The following LAMB4 variants were observed in gnomAD, a reference collection of about 807,000 sequenced individuals.
LAMB4 encodes the protein laminin subunit beta 4.
Under a neutral mutation model 199.2 loss-of-function variants are expected in LAMB4, and 196 were observed. The observed-to-expected ratio is 0.98, with a 90% CI of 0.88 to 1.11. The LOEUF is 1.11. LAMB4 is among the 50% of genes least tolerant of loss of function. The pLI, the probability that LAMB4 is intolerant of heterozygous loss-of-function variation, is 0.00. For synonymous variants in LAMB4, 744 were observed against 770.6 expected, an observed-to-expected ratio of 0.97 and a Z score of 0.57; for missense variants, 2,080 against 2,171.2, an observed-to-expected ratio of 0.96 and a Z score of 0.83.
At chr7:108,025,008 T>C (rs1427642455) in intron 33 of LAMB4, among the ~76,000 whole-genome samples, 1 of 152,250 alleles carries the variant, frequency 6.6e-6, no homozygotes. Context: ...AGATCACACC[T>C]GAATACCGAG....
At chr7:108,114,445 A>G (rs2038341831) in intron 3 of LAMB4, among the ~76,000 whole-genome samples, 1 of 152,016 alleles carries the variant, frequency 6.6e-6, no homozygotes, top group Non-Finnish European at 1.5e-5. Context: ...TCTAAAAAAT[A>G]GAGTTGAGAA....
chr7:108,072,442 T>C (rs957032908), intron 17 of LAMB4, among the ~76,000 whole-genome samples: 1 of 152,244 alleles, frequency 6.6e-6, no homozygotes. Flanking sequence ...AAGTCATGTA[T>C]GCAGATAGGC....
intron 3 of LAMB4, among the ~76,000 whole-genome samples, chr7:108,112,470 T>G (rs2038264151): frequency 6.7e-6 from 1 of 148,620 alleles, no homozygotes; most frequent in African/African-American, 2.5e-5. Flanking sequence ...TTTTTGTATT[T>G]TTATTAGAGA....
intron 3 of LAMB4, among the ~76,000 whole-genome samples, chr7:108,115,724 AT>A (rs1264683084): frequency 3.9e-5 from 6 of 152,230 alleles, no homozygotes; most frequent in Non-Finnish European, 7.3e-5. Context: ...ATTACAAGTA[AT>A]CTAGAGATTA....
At position 108,091,458 on chromosome 7, in the gene LAMB4, A is replaced by T. The variant is rs573810822; in HGVS notation, c.1701+168T>A. On this transcript the variant is annotated intron_variant, in intron 14 of 33. Coordinates refer to ENST00000388781, the MANE Select transcript of LAMB4 (RefSeq NM_007356.3). ...TGAACTAAACAGAGACTCTGCTCTC[A>T]AGAGTTTATATAATCTGCATTTGCA... Among the ~76,000 whole-genome samples the T allele has an allele frequency of 4.1e-4, 63 of 152,334 alleles. 1 individual carries two copies. In the South Asian group the frequency reaches 0.012, roughly 30 times the overall value.
intron 24 of LAMB4, 78 bp from the exon 25 acceptor site, chr7:108,056,085 C>T: frequency 7.3e-7 from 1 of 1,363,898 alleles, no homozygotes; most frequent in Admixed American, 2.3e-5. Flanking sequence ...AGGTCTTTTC[C>T]TCTCTCCTGA....
At chr7:108,019,721 T>C (rs961126550), downstream of LAMB4, among the ~76,000 whole-genome samples, 31 of 152,228 alleles carry the variant, frequency 2.0e-4, no homozygotes, top group African/African-American at 7.0e-4. Flanking sequence ...AGAAGTCCTA[T>C]TACCAAAAGG....
At chr7:108,129,252 G>T (rs1563120136) in intron 1 of LAMB4, among the ~76,000 whole-genome samples, 1 of 152,196 alleles carries the variant, frequency 6.6e-6, no homozygotes, top group South Asian at 2.1e-4. Context: ...CCTCTCCGCA[G>T]GAAAGACATG....
rs1291093642 is a variant in LAMB4, at chr7:108,043,483, AT to A, written c.4471+268del. Among the ~76,000 whole-genome samples the A allele has an allele frequency of 1.7e-4, 25 of 148,978 alleles. No homozygotes were observed. The Admixed American group carries it at 1.7e-3, about 10-fold the overall frequency. On this transcript the variant is annotated intron_variant, in intron 29 of 33. Coordinates refer to ENST00000388781, the MANE Select transcript of LAMB4 (RefSeq NM_007356.3). ...ATTAAGGAATTAAAAACCAAAGGGT[AT>A]ATCATTTTTCTGATTTAGGCTTGTC...
chr7:108,098,862 A>T (rs1393813327), intron 10 of LAMB4, among the ~76,000 whole-genome samples: 1 of 152,184 alleles, frequency 6.6e-6, no homozygotes, highest in Non-Finnish European at 1.5e-5. Flanking sequence ...TTAAGACTAG[A>T]TTATGTTAAG....
chr7:108,124,390 T>C (rs1036838595), intron 1 of LAMB4, among the ~76,000 whole-genome samples: 2 of 152,170 alleles, frequency 1.3e-5, no homozygotes, highest in Admixed American at 6.6e-5. Context: ...TATGATATAG[T>C]AAATGGAGCA....
At chr7:108,044,955 CAA>C (rs756256335) in intron 28 of LAMB4, among the ~76,000 whole-genome samples, 2 of 56,574 alleles carry the variant, frequency 3.5e-5, no homozygotes, top group Admixed American at 2.0e-4. Flanking sequence ...ATTCTTGTCT[CAA>C]AAAAAAAAAA....
intron 11 of LAMB4, among the ~76,000 whole-genome samples, chr7:108,097,552 G>A (rs1332930432): frequency 6.6e-6 from 1 of 152,212 alleles, no homozygotes; most frequent in Non-Finnish European, 1.5e-5. Flanking sequence ...TTGGGAGGCC[G>A]AGACGGGCGG....
chr7:108,030,255 T>A (rs943537056), intron 32 of LAMB4, among the ~76,000 whole-genome samples: 26 of 152,226 alleles, frequency 1.7e-4, no homozygotes, highest in African/African-American at 6.0e-4. Flanking sequence ...CTAACATTTT[T>A]CTTTTGTTTA....
In LAMB4 at chr7:108,103,122, C is replaced by G. The variant is rs1324468169; in HGVS notation, c.1102G>C (p.Gly368Arg). Residue 368 changes from glycine (G) to arginine (R), a missense_variant, in exon 10 of 34, where the codon GGG (glycine) becomes CGG (arginine). Transcript: ENST00000388781. ...GGTCTGCAGCGGTCGCAGTGCTGCC[C>G]CTCAGTGTTGTGCTGGCAGTCTTCA... The part of the protein sequence containing the change: ...VCEDCQHNTE[G>R]QHCDRCRPLF... 2.5e-6 allele frequency: 4 copies of G among 1,613,646 alleles called. No individual in the cohort carries two copies. Among genetic ancestry groups the G allele is most frequent in the Middle Eastern group, 1.6e-4 (1 of 6,082 alleles).
At position 108,052,097 on chromosome 7, in the gene LAMB4, C is replaced by G; in HGVS notation, c.3916G>C (p.Asp1306His). The G allele has an allele frequency of 6.2e-7, 1 of 1,600,492 alleles. No homozygotes were observed. The highest frequency in any genetic ancestry group is 1.3e-5 in the African/African-American group (1 of 74,594). The change falls in exon 26 of 34, where the codon GAC (aspartate) becomes CAC (histidine). Residue 1306 changes from aspartate to histidine, a missense_variant and splice_region_variant. Physicochemically the swap from Asp to His is moderately conservative, Grantham distance 81. Transcript: ENST00000388781. ...QSSVLNASIA[D>H]SSENIKKYYH... ...AGTCAAAAATACATTTTTCCCTTAC[C>G]CGCAATGCTTGCATTAAGGACACTG...
chr7:108,058,726 G>C (rs1025701481), intron 23 of LAMB4, among the ~76,000 whole-genome samples: 1 of 152,156 alleles, frequency 6.6e-6, no homozygotes, highest in Non-Finnish European at 1.5e-5. Flanking sequence ...TGCAACCTCA[G>C]CTCACTGCAA....
downstream of LAMB4, among the ~76,000 whole-genome samples, chr7:108,021,650 G>A (rs889036512): frequency 4.0e-5 from 6 of 151,878 alleles, no homozygotes; most frequent in East Asian, 1.9e-4. Flanking sequence ...CTGAGGTTGC[G>A]GTGAGCCGAG....
intron 33 of LAMB4, among the ~76,000 whole-genome samples, 183 bp downstream of exon 33, chr7:108,028,860 C>A (rs2034930845): frequency 6.6e-6 from 1 of 152,154 alleles, no homozygotes; most frequent in South Asian, 2.1e-4. Context: ...CCTTTCTAGG[C>A]AAATCCATGC....
Sources: allele counts gnomAD v4.1 joint callset (sites outside exome capture counted in the v4.1 genomes callset), GRCh38; gene constraint gnomAD v4.1.1; transcripts MANE v1.5; gene names NCBI Gene and HGNC (gene_info 2026-07-23, HGNC 2026-07-21).